Variants in AHCYL2 observed in about 807,000 individuals in gnomAD.
AHCYL2 encodes the protein S-adenosylhomocysteine hydrolase-like protein 2.
Under a neutral mutation model 81.4 loss-of-function variants are expected in AHCYL2, and 28 were observed. That is an observed-to-expected ratio of 0.34 (90% CI 0.25 to 0.47). The LOEUF (loss-of-function observed/expected upper bound fraction) is 0.47. AHCYL2 is among the 20% of genes least tolerant of loss of function. The pLI is 1.00. For missense variants in AHCYL2, 551 were observed against 785.1 expected (o/e 0.70, Z 3.56); for synonymous variants, 272 against 290.2 (o/e 0.94, Z 0.64).
intron 1 of AHCYL2, among the ~76,000 whole-genome samples, chr7:129,290,969 T>C (rs1796830313): frequency 6.6e-6 from 1 of 151,878 alleles, no homozygotes; most frequent in South Asian, 2.1e-4. Context: ...TATTATTTAA[T>C]TGCCATTTGT....
intron 1 of AHCYL2, among the ~76,000 whole-genome samples, chr7:129,352,041 T>C (rs1584812763): frequency 2.8e-5 from 1 of 35,480 alleles, no homozygotes; most frequent in Non-Finnish European, 8.1e-5. Context: ...TCCTGGAGTA[T>C]AATTTTTTTT....
chr7:129,247,911 A>G (rs1371206320), intron 1 of AHCYL2, among the ~76,000 whole-genome samples: 1 of 152,136 alleles, frequency 6.6e-6, no homozygotes, highest in African/African-American at 2.4e-5. Context: ...CTTAGATTCT[A>G]CTTTTGGTGG....
intron 1 of AHCYL2, among the ~76,000 whole-genome samples, chr7:129,367,461 A>G (rs1383568227): frequency 6.6e-6 from 1 of 152,212 alleles, no homozygotes; most frequent in East Asian, 1.9e-4. Flanking sequence ...TGAAGTGTGC[A>G]GCAAGGAGGG....
intron 1 of AHCYL2, among the ~76,000 whole-genome samples, chr7:129,249,246 T>G (rs1795165694): frequency 6.6e-6 from 1 of 152,052 alleles, no homozygotes; most frequent in Non-Finnish European, 1.5e-5. Context: ...AACCCTCCTG[T>G]CCTGGCCTCC....
At chr7:129,233,081 T>G (rs1794505073) in intron 1 of AHCYL2, among the ~76,000 whole-genome samples, 1 of 152,218 alleles carries the variant, frequency 6.6e-6, no homozygotes, top group African/African-American at 2.4e-5. Flanking sequence ...TAAAAATTTA[T>G]AATCATCTAT....
Position 129,293,433 on chromosome 7 carries a change from C to T in AHCYL2, c.363+67994C>T, listed in dbSNP as rs186267313. On this transcript the variant is annotated intron_variant, in intron 1 of 16. Coordinates refer to ENST00000325006, the MANE Select transcript of AHCYL2 (RefSeq NM_015328.4). ...GATTGTGACTAAAACTGGCTGGACG[C>T]GGGAGGCCAAGACCAGCGGATCACT... Among the ~76,000 whole-genome samples, 89 of 151,978 alleles carry T rather than the reference C, an allele frequency of 5.9e-4. No individual in the cohort carries two copies. In the Middle Eastern group the frequency reaches 0.014, roughly 23 times the overall value.
intron 1 of AHCYL2, among the ~76,000 whole-genome samples, chr7:129,278,168 C>T (rs1224134669): frequency 2.0e-5 from 3 of 152,156 alleles, no homozygotes; most frequent in Non-Finnish European, 4.4e-5. Context: ...TGCTGAGAAT[C>T]TTTTCATGTA....
intron 1 of AHCYL2, among the ~76,000 whole-genome samples, chr7:129,309,834 G>T (rs376471170): frequency 6.6e-6 from 1 of 151,392 alleles, no homozygotes; most frequent in Non-Finnish European, 1.5e-5. Flanking sequence ...GGTTCCCTTT[G>T]CCTTTTCCTT....
intron 1 of AHCYL2, among the ~76,000 whole-genome samples, chr7:129,337,733 T>TA (rs1349764615): frequency 6.6e-6 from 1 of 151,900 alleles, no homozygotes; most frequent in Non-Finnish European, 1.5e-5. Flanking sequence ...TATAAGGATT[T>TA]AAATTATTTT....
chr7:129,307,452 G>A (rs1797481598), intron 1 of AHCYL2, among the ~76,000 whole-genome samples: 1 of 152,018 alleles, frequency 6.6e-6, no homozygotes, highest in Non-Finnish European at 1.5e-5. Flanking sequence ...GGGCTCTTCA[G>A]TCAGCTTGTG....
intron 5 of AHCYL2, among the ~76,000 whole-genome samples, 177 bp from the exon 6 acceptor site, chr7:129,400,113 G>A (rs1795957657): frequency 6.6e-6 from 1 of 152,148 alleles, no homozygotes; most frequent in Non-Finnish European, 1.5e-5. Context: ...GACCAACAAA[G>A]ACAAAGGAAT....
chr7:129,271,138 G>A (rs1281919147), intron 1 of AHCYL2, among the ~76,000 whole-genome samples: 2 of 151,936 alleles, frequency 1.3e-5, no homozygotes, highest in East Asian at 1.9e-4. Context: ...CGAGGCGGGC[G>A]GATCACGAGG....
intron 1 of AHCYL2, among the ~76,000 whole-genome samples, chr7:129,349,808 T>C (rs972062076): frequency 4.6e-5 from 7 of 152,116 alleles, no homozygotes; most frequent in Non-Finnish European, 7.4e-5. Flanking sequence ...ACCTCTCCCA[T>C]CTCAAGGTCT....
At chr7:129,395,448 G>A (rs948874724) in intron 4 of AHCYL2, among the ~76,000 whole-genome samples, 5 of 152,144 alleles carry the variant, frequency 3.3e-5, no homozygotes, top group Admixed American at 6.5e-5. Context: ...ATCTGTGGTG[G>A]GTCTTGGGCA....
At position 129,405,184 on chromosome 7, in the gene AHCYL2, C is replaced by G. The variant is rs1796241843; in HGVS notation, c.1113C>G (p.Leu371=). 1 of 1,608,782 alleles carries G rather than the reference C, an allele frequency of 6.2e-7. No individual in the cohort carries two copies. Among genetic ancestry groups the G allele is most frequent in the South Asian group, 1.1e-5 (1 of 90,518 alleles). The part of the protein sequence containing the change: ...DSVTKQKFDN[L]YCCRESILDG... Reference sequence around the variant, plus strand: ...TCACCAAACAGAAATTTGACAACCTCTACTGTTGCCGTGAATCAATTCTTG... The same window carrying G: ...TCACCAAACAGAAATTTGACAACCTGTACTGTTGCCGTGAATCAATTCTTG... Residue 371 remains leucine, a synonymous_variant, in exon 8 of 17, where the codon CTC becomes CTG. Transcript: ENST00000325006.
chr7:129,241,582 C>T (rs921476553), intron 1 of AHCYL2, among the ~76,000 whole-genome samples: 1 of 152,002 alleles, frequency 6.6e-6, no homozygotes, highest in Non-Finnish European at 1.5e-5. Context: ...CAGAGTGAGA[C>T]TCCATCTCAA....
chr7:129,278,940 A>T (rs1796324362), intron 1 of AHCYL2, among the ~76,000 whole-genome samples: 1 of 152,146 alleles, frequency 6.6e-6, no homozygotes, highest in Admixed American at 6.5e-5. Context: ...AACTTGACAC[A>T]ACTACCACAT....
chr7:129,411,452 AT>A (rs1177716833), intron 11 of AHCYL2, among the ~76,000 whole-genome samples: 1 of 151,976 alleles, frequency 6.6e-6, no homozygotes, highest in African/African-American at 2.4e-5. Context: ...AAAAATAATA[AT>A]TTTTTTTAAA....
intron 1 of AHCYL2, among the ~76,000 whole-genome samples, chr7:129,289,445 T>G (rs1403740025): frequency 6.6e-6 from 1 of 152,242 alleles, no homozygotes; most frequent in Non-Finnish European, 1.5e-5. Flanking sequence ...TTAGATCCAT[T>G]AAATCATTAA....
Sources: allele counts gnomAD v4.1 joint callset (sites outside exome capture counted in the v4.1 genomes callset), GRCh38; gene constraint gnomAD v4.1.1; transcripts MANE v1.5; gene names NCBI Gene and HGNC (gene_info 2026-07-23, HGNC 2026-07-21).